Variants in PAK1 observed in about 807,000 individuals in gnomAD.
PAK1 encodes the protein p21 (RAC1) activated kinase 1, also known as serine/threonine-protein kinase PAK 1.
PAK1 carries 29 observed loss-of-function variants against 67.4 expected under a neutral mutation model. That is an observed-to-expected ratio of 0.43 (90% CI 0.32 to 0.59). The LOEUF is 0.59. PAK1 is among the 20% of genes least tolerant of loss of function. The probability of loss-of-function intolerance (pLI) is 0.07; values close to 1 mark genes in which losing one functional copy is unlikely to be tolerated. For missense variants in PAK1, 337 were observed against 670.7 expected (o/e 0.50, Z 5.50); for synonymous variants, 223 against 237.4 (o/e 0.94, Z 0.56).
chr11:77,425,120 GC>G (rs922795153), intron 1 of PAK1, among the ~76,000 whole-genome samples: 1 of 152,118 alleles, frequency 6.6e-6, no homozygotes, highest in Non-Finnish European at 1.5e-5. Flanking sequence ...AGCACAAGTG[GC>G]TTTTTTTTAA....
chr11:77,342,570 T>A (rs375279624), intron 10 of PAK1, among the ~76,000 whole-genome samples: 1 of 152,296 alleles, frequency 6.6e-6, no homozygotes, highest in Admixed American at 6.5e-5. Flanking sequence ...CTGAAAGAGA[T>A]GATAAGGTAC....
intron 2 of PAK1, among the ~76,000 whole-genome samples, chr11:77,381,057 C>G (rs1189226055): frequency 1.3e-5 from 2 of 151,690 alleles, no homozygotes; most frequent in African/African-American, 4.9e-5. Context: ...CCAGCAAAAC[C>G]CTGATAAAAG....
At chr11:77,497,212 G>A in the PAK1 span, among the ~76,000 whole-genome samples, 6 of 152,264 alleles carry the variant, frequency 3.9e-5, no homozygotes, top group African/African-American at 1.2e-4. Flanking sequence ...CCATGGAGAT[G>A]AGTCTGTGGG....
At chr11:77,451,974 C>A (rs551802176) in intron 1 of PAK1, among the ~76,000 whole-genome samples, 2 of 152,266 alleles carry the variant, frequency 1.3e-5, no homozygotes, top group African/African-American at 4.8e-5. Context: ...TTTTCCCCTA[C>A]ATTTATATAT....
At chr11:77,416,050 C>T (rs143209687) in intron 1 of PAK1, among the ~76,000 whole-genome samples, 1,954 of 151,722 alleles carry the variant, frequency 0.013, 16 homozygotes, top group Non-Finnish European at 0.017. Flanking sequence ...ATGATCTCAG[C>T]TCACTGCAAC....
chr11:77,356,585 T>C (rs536665068), intron 6 of PAK1, among the ~76,000 whole-genome samples: 1 of 152,220 alleles, frequency 6.6e-6, no homozygotes, highest in Non-Finnish European at 1.5e-5. Context: ...ATAATAATGA[T>C]AACTATCTTT....
chr11:77,340,579 G>C lies in PAK1; in HGVS notation c.1116+67C>G, dbSNP rs555897821. 2.4e-5 allele frequency: 20 copies of C among 816,516 alleles called. No homozygotes were observed. In the South Asian group the frequency reaches 2.7e-4, roughly 11 times the overall value. The allele number at this position is 816,516 out of a possible 1,614,324, so 50.6% of individuals were successfully genotyped here. A position where few individuals can be genotyped will look rare whatever the true frequency, so the allele number is the denominator to read the frequency against. On this transcript the variant is annotated intron_variant, in intron 11 of 14. Coordinates refer to ENST00000356341, the MANE Select transcript of PAK1 (RefSeq NM_002576.5). ...GCCCAGGCTGAGATCTCACTGTACAGGGAACTTCAGGAGACAGGAATATGG... is the reference window on the plus strand; with the variant it reads ...GCCCAGGCTGAGATCTCACTGTACACGGAACTTCAGGAGACAGGAATATGG...
chr11:77,494,360 CAA>C, the PAK1 span, among the ~76,000 whole-genome samples: 1 of 152,108 alleles, frequency 6.6e-6, no homozygotes, highest in Non-Finnish European at 1.5e-5. Context: ...AAATGTAAAA[CAA>C]AAACAAGCTG....
intron 4 of PAK1, among the ~76,000 whole-genome samples, chr11:77,375,287 A>G (rs1948947953): frequency 6.6e-6 from 1 of 152,228 alleles, no homozygotes; most frequent in South Asian, 2.1e-4. Context: ...AAAGAAAAGG[A>G]AAGAATCCAT....
At chr11:77,455,484 C>T (rs944593043) in intron 1 of PAK1, among the ~76,000 whole-genome samples, 3 of 152,182 alleles carry the variant, frequency 2.0e-5, no homozygotes, top group Non-Finnish European at 4.4e-5. Flanking sequence ...TATCTAGCAA[C>T]TGTAGCAACA....
At chr11:77,447,335 G>A (rs1956658247) in intron 1 of PAK1, among the ~76,000 whole-genome samples, 1 of 151,828 alleles carries the variant, frequency 6.6e-6, no homozygotes, top group South Asian at 2.1e-4. Context: ...GCTCTGAAAG[G>A]TAGGTTACCA....
At chr11:77,469,354 CT>C (rs1160735705) in intron 1 of PAK1, among the ~76,000 whole-genome samples, 1 of 152,148 alleles carries the variant, frequency 6.6e-6, no homozygotes, top group Non-Finnish European at 1.5e-5. Flanking sequence ...TGTTAAACAT[CT>C]CATATAGGGC....
the PAK1 span, among the ~76,000 whole-genome samples, chr11:77,511,669 C>G: frequency 6.6e-6 from 1 of 152,248 alleles, no homozygotes; most frequent in African/African-American, 2.4e-5. Flanking sequence ...ATCTGAATAG[C>G]ACTGAAACAC....
At chr11:77,504,816 C>T in the PAK1 span, among the ~76,000 whole-genome samples, 1 of 152,142 alleles carries the variant, frequency 6.6e-6, no homozygotes, top group Non-Finnish European at 1.5e-5. Flanking sequence ...GTGTTAGGCA[C>T]CTGAAAACAC....
intron 1 of PAK1, among the ~76,000 whole-genome samples, chr11:77,445,663 T>C (rs1956563324): frequency 6.6e-6 from 1 of 152,234 alleles, no homozygotes; most frequent in Non-Finnish European, 1.5e-5. Flanking sequence ...CCTAATTCTG[T>C]TTCACACCGG....
At chr11:77,347,021 A>G (rs1206546757) in intron 9 of PAK1, 7 of 456,080 alleles carry the variant, frequency 1.5e-5, no homozygotes, top group Non-Finnish European at 2.6e-5. Flanking sequence ...AACCCCCAAT[A>G]AGCAAGAACT....
At chr11:77,405,395 C>A (rs1368710073) in intron 1 of PAK1, among the ~76,000 whole-genome samples, 2 of 151,968 alleles carry the variant, frequency 1.3e-5, no homozygotes, top group Admixed American at 6.6e-5. Flanking sequence ...TGCAGGGGAA[C>A]AATGCAGAAG....
chr11:77,485,239 G>A, the PAK1 span, among the ~76,000 whole-genome samples: 2 of 152,078 alleles, frequency 1.3e-5, no homozygotes, highest in Admixed American at 1.3e-4. Flanking sequence ...AAATGAATAA[G>A]CTCTAGTATT....
chr11:77,482,350 C>T, the PAK1 span, among the ~76,000 whole-genome samples: 1 of 152,110 alleles, frequency 6.6e-6, no homozygotes, highest in African/African-American at 2.4e-5. Flanking sequence ...TTCTTGGCTT[C>T]CCTCTGCCCC....
Sources: allele counts gnomAD v4.1 joint callset (sites outside exome capture counted in the v4.1 genomes callset), GRCh38; gene constraint gnomAD v4.1.1; transcripts MANE v1.5; gene names NCBI Gene and HGNC (gene_info 2026-07-23, HGNC 2026-07-21).